Variants in PHACTR1 observed in about 807,000 individuals in gnomAD.
PHACTR1 encodes the protein RPEL repeat containing 1.
In PHACTR1, 16 loss-of-function variants were observed where a neutral mutation model predicts 69.2. The ratio of observed to expected loss-of-function variants is 0.23; its 90% CI spans 0.16 to 0.35. The LOEUF (loss-of-function observed/expected upper bound fraction) is 0.35. PHACTR1 is among the 10% of genes least tolerant of loss of function. The pLI, the probability that PHACTR1 is intolerant of heterozygous loss-of-function variation, is 1.00. For missense variants in PHACTR1, 510 were observed against 734.7 expected (o/e 0.69, Z 3.54); for synonymous variants, 312 against 284.5 (o/e 1.10, Z -0.97).
At chr6:12,719,311 C>A (rs1286099944) in intron 3 of PHACTR1, among the ~76,000 whole-genome samples, 1 of 152,166 alleles carries the variant, frequency 6.6e-6, no homozygotes, top group Non-Finnish European at 1.5e-5. Flanking sequence ...TCAGTTACCG[C>A]CTCAGATAAT....
intron 4 of PHACTR1, among the ~76,000 whole-genome samples, chr6:13,030,925 A>G (rs1802372107): frequency 6.6e-6 from 1 of 152,192 alleles, no homozygotes; most frequent in Admixed American, 6.5e-5. Context: ...TTTACTATGG[A>G]AGACTGTCTG....
intron 4 of PHACTR1, among the ~76,000 whole-genome samples, chr6:12,959,297 A>T (rs556695329): frequency 6.6e-6 from 1 of 152,196 alleles, no homozygotes; most frequent in African/African-American, 2.4e-5. Context: ...AATGATCTTA[A>T]ATCTGTGGTT....
intron 3 of PHACTR1, among the ~76,000 whole-genome samples, chr6:12,740,409 C>T (rs1764881415): frequency 6.6e-6 from 1 of 152,130 alleles, no homozygotes; most frequent in Admixed American, 6.5e-5. Flanking sequence ...CTCACCAGTA[C>T]TGGCATTAAG....
intron 4 of PHACTR1, among the ~76,000 whole-genome samples, chr6:12,923,338 A>G (rs1009119951): frequency 6.6e-6 from 1 of 152,236 alleles, no homozygotes; most frequent in African/African-American, 2.4e-5. Flanking sequence ...AAATGAATCT[A>G]TGTAAGTTAA....
intron 4 of PHACTR1, among the ~76,000 whole-genome samples, chr6:12,796,698 C>T (rs147087317): frequency 1.5e-4 from 23 of 152,300 alleles, no homozygotes; most frequent in African/African-American, 5.3e-4. Flanking sequence ...CAGAAAAGAG[C>T]TTTTGTTGGA....
chr6:13,064,032 T>A (rs192167240), intron 5 of PHACTR1, among the ~76,000 whole-genome samples: 30 of 152,312 alleles, frequency 2.0e-4, no homozygotes, highest in African/African-American at 7.2e-4. Flanking sequence ...ATATAACAAC[T>A]TCTATAAATA....
intron 4 of PHACTR1, among the ~76,000 whole-genome samples, chr6:12,838,259 A>G (rs185936701): frequency 8.0e-4 from 122 of 152,314 alleles, no homozygotes; most frequent in African/African-American, 2.7e-3. Flanking sequence ...GGGTATGAAA[A>G]TCAGAAGGCA....
At chr6:12,823,341 C>T (rs535401910) in intron 4 of PHACTR1, among the ~76,000 whole-genome samples, 29 of 152,268 alleles carry the variant, frequency 1.9e-4, no homozygotes, top group South Asian at 8.3e-4. Flanking sequence ...AATCAACACA[C>T]AGTGAATTCA....
chr6:13,159,117 C>T (rs1490947288), intron 5 of PHACTR1, among the ~76,000 whole-genome samples: 1 of 152,114 alleles, frequency 6.6e-6, no homozygotes, highest in Non-Finnish European at 1.5e-5. Context: ...ACTTGATTTG[C>T]CCCCCAGCAC....
chr6:12,997,367 A>G (rs1797553142), intron 4 of PHACTR1, among the ~76,000 whole-genome samples: 1 of 147,866 alleles, frequency 6.8e-6, no homozygotes, highest in African/African-American at 2.5e-5. Flanking sequence ...TATATAAGTA[A>G]ATATATATTT....
chr6:12,967,952 C>T (rs1440160599), intron 4 of PHACTR1, among the ~76,000 whole-genome samples: 3 of 152,180 alleles, frequency 2.0e-5, no homozygotes, highest in African/African-American at 4.8e-5. Flanking sequence ...AGCTAACAGA[C>T]GCCTGAGCAG....
chr6:13,160,985 T>C (rs1212088910), intron 6 of PHACTR1, among the ~76,000 whole-genome samples: 1 of 152,168 alleles, frequency 6.6e-6, no homozygotes, highest in African/African-American at 2.4e-5. Flanking sequence ...TAGTTTATTA[T>C]GTATATATTT....
intron 4 of PHACTR1, among the ~76,000 whole-genome samples, chr6:12,877,815 C>T (rs977331612): frequency 6.6e-6 from 1 of 152,212 alleles, no homozygotes; most frequent in Non-Finnish European, 1.5e-5. Context: ...TGTGCGCTCA[C>T]CTTCATAACA....
At chr6:12,952,234 T>A (rs1186402689) in intron 4 of PHACTR1, among the ~76,000 whole-genome samples, 1 of 152,172 alleles carries the variant, frequency 6.6e-6, no homozygotes, top group Non-Finnish European at 1.5e-5. Context: ...ACCTACATCA[T>A]CATCACCCAG....
chr6:13,264,405 C>G (rs564784321), intron 10 of PHACTR1, among the ~76,000 whole-genome samples: 21 of 152,270 alleles, frequency 1.4e-4, no homozygotes, highest in Non-Finnish European at 2.6e-4. Flanking sequence ...TTAAACATGC[C>G]CCATTTTCAT....
At chr6:13,238,189 C>T (rs189619504) in intron 10 of PHACTR1, among the ~76,000 whole-genome samples, 3 of 152,280 alleles carry the variant, frequency 2.0e-5, no homozygotes, top group Admixed American at 6.5e-5. Flanking sequence ...GGGAATCAGA[C>T]GGGTTTAAGG....
chr6:13,231,126 AAAG>A (rs1770983881), intron 10 of PHACTR1, among the ~76,000 whole-genome samples: 1 of 137,322 alleles, frequency 7.3e-6, no homozygotes, highest in Non-Finnish European at 1.5e-5. Flanking sequence ...AGAGAGAAAG[AAAG>A]AAGGAAAGAG....
Position 13,227,223 on chromosome 6 carries a change from T to A in PHACTR1, c.987-593T>A, listed in dbSNP as rs149483790. On this transcript the variant is annotated intron_variant, in intron 8 of 14. Transcript: ENST00000332995. ...TCGCTAACAATGTCATGCATGGGTC[T>A]CCAGCCTTGTGTCCATCCCGCTCTT... Among the ~76,000 whole-genome samples, 832 of 152,242 alleles carry A rather than the reference T, an allele frequency of 5.5e-3. 9 individuals carry two copies. Among genetic ancestry groups the A allele is most frequent in the African/African-American group, 0.018 (743 of 41,536 alleles).
Position 12,805,848 on chromosome 6 carries a change from G to A in PHACTR1, c.250+56058G>A, listed in dbSNP as rs142303720. Among the ~76,000 whole-genome samples the A allele has an allele frequency of 1.6e-4, 25 of 152,224 alleles. 1 individual carries two copies. The East Asian group carries it at 4.8e-3, about 29-fold the overall frequency. ...ACTCCTGACTTCAGGTGATCTGCCT[G>A]CCTCAGGTTCCCAAAGTGCTGGGAC... On this transcript the variant is annotated intron_variant, in intron 4 of 14. Transcript: ENST00000332995.
Sources: gnomAD v4.1 joint callset for allele counts (sites outside exome capture counted in the v4.1 genomes callset) on GRCh38, gnomAD v4.1.1 for gene constraint, MANE v1.5 for transcripts, NCBI Gene and HGNC (gene_info 2026-07-23, HGNC 2026-07-21) for gene names.